Variants in TFEB observed in about 807,000 individuals in gnomAD.
TFEB encodes transcription factor EB.
A neutral mutation model predicts 48.0 loss-of-function variants in TFEB; 12 were observed. The observed-to-expected ratio is 0.25, with a 90% CI of 0.16 to 0.40. TFEB has a LOEUF of 0.40. Among genes scored for constraint, TFEB ranks in the 10% least tolerant of loss-of-function variants. The probability of loss-of-function intolerance (pLI) is 1.00; values close to 1 mark genes in which losing one functional copy is unlikely to be tolerated. For synonymous variants in TFEB, 244 were observed against 261.4 expected (o/e 0.93, Z 0.64); for missense variants, 509 against 640.3 (o/e 0.79, Z 2.21).
In TFEB at chr6:41,724,994, C is replaced by G. The variant is rs144960361; in HGVS notation, c.-23+10356G>C. ...AGGCCCCTTTGCAGGGACGCCTCCCCCAAAATGCCTGCACATTCACCATCT... is the reference window on the plus strand; with the variant it reads ...AGGCCCCTTTGCAGGGACGCCTCCCGCAAAATGCCTGCACATTCACCATCT... On this transcript the variant is annotated intron_variant, in intron 1 of 8. Coordinates refer to ENST00000373033, the MANE Select transcript of TFEB (RefSeq NM_001271944.2). The surrounding 1 kb of genome is among the most constrained non-coding windows in gnomAD (Gnocchi z 4.4). 1.1e-3 allele frequency among the ~76,000 whole-genome samples: 171 copies of G among 152,350 alleles called. No homozygotes were observed. The highest frequency in any genetic ancestry group is 4.0e-3 in the African/African-American group (167 of 41,590).
chr6:41,688,362 G>A (rs1429908124), intron 4 of TFEB, among the ~76,000 whole-genome samples: 3 of 151,982 alleles, frequency 2.0e-5, no homozygotes, highest in Non-Finnish European at 2.9e-5. Flanking sequence ...TTCCTGGAGG[G>A]TGTGGAACTC....
chr6:41,732,687 A>G (rs1447096095), intron 1 of TFEB: 1 of 984,546 alleles, frequency 1.0e-6, no homozygotes, highest in Non-Finnish European at 1.2e-6. Flanking sequence ...TCCTCACAAC[A>G]GCCTGTGAGG....
chr6:41,698,436 A>G (rs901321338), intron 1 of TFEB, among the ~76,000 whole-genome samples: 1 of 152,196 alleles, frequency 6.6e-6, no homozygotes, highest in Non-Finnish European at 1.5e-5. Context: ...GTCCGGGATG[A>G]TGGAACAGTC....
intron 1 of TFEB, among the ~76,000 whole-genome samples, chr6:41,702,574 C>G (rs1165178672): frequency 6.6e-6 from 1 of 152,162 alleles, no homozygotes; most frequent in East Asian, 1.9e-4. Flanking sequence ...TGCTCATGTC[C>G]CCTGCAGGAA....
Position 41,734,407 on chromosome 6 carries a change from C to T in TFEB, c.-23+943G>A, listed in dbSNP as rs970035093. 4.1e-6 allele frequency: 4 copies of T among 984,678 alleles called. No homozygotes were observed. Among genetic ancestry groups the T allele is most frequent in the Middle Eastern group, 5.2e-4 (1 of 1,936 alleles). 61.0% of individuals were successfully genotyped at this position (984,678 alleles called of 1,614,324 possible). Reference sequence around the variant, plus strand: ...GGGGCAGCCGTGCGTGAAGCCGGAACCCCGCGCGGGGAGGGGGCCGAGCTG... The same window carrying T: ...GGGGCAGCCGTGCGTGAAGCCGGAATCCCGCGCGGGGAGGGGGCCGAGCTG... On this transcript the variant is annotated intron_variant, in intron 1 of 8. Transcript: ENST00000373033. The surrounding 1 kb of genome is among the most constrained non-coding windows in gnomAD (Gnocchi z 4.0).
chr6:41,712,677 C>A (rs1046637487), intron 1 of TFEB, among the ~76,000 whole-genome samples: 5 of 152,224 alleles, frequency 3.3e-5, no homozygotes, highest in African/African-American at 1.2e-4. Flanking sequence ...GCTGACGGAG[C>A]CACTGCTGTT....
chr6:41,697,159 G>A (rs1769631667), intron 1 of TFEB, among the ~76,000 whole-genome samples: 2 of 151,898 alleles, frequency 1.3e-5, no homozygotes, highest in Admixed American at 6.6e-5. Flanking sequence ...TGTAATCCCA[G>A]CACTTTGGCA....
chr6:41,697,601 T>G (rs1162282309), intron 1 of TFEB, among the ~76,000 whole-genome samples: 1 of 151,454 alleles, frequency 6.6e-6, no homozygotes, highest in Non-Finnish European at 1.5e-5. Flanking sequence ...ACAACCTCTT[T>G]GGAAAAGCAA....
rs752495595 is a variant in TFEB at position 41,689,771 on chromosome 6, A to G, written c.509T>C (p.Val170Ala). 1 of 1,614,112 alleles carries G rather than the reference A, an allele frequency of 6.2e-7. No individual in the cohort carries two copies. Among genetic ancestry groups the G allele is most frequent in the Non-Finnish European group, 8.5e-7 (1 of 1,180,002 alleles). The change falls in exon 4 of 9, where the codon GTC (valine) becomes GCC (alanine). Residue 170 changes from valine to alanine, a missense_variant. By Grantham distance (64) the Val-to-Ala change is moderately conservative (BLOSUM62 0). Coordinates refer to ENST00000373033, the MANE Select transcript of TFEB (RefSeq NM_001271944.2). Reference sequence around the variant, plus strand: ...CATTTCAGGATTGATGTAGCCAAGGACATCGTCCAGACGCATAATGTTGTC... The same window carrying G: ...CATTTCAGGATTGATGTAGCCAAGGGCATCGTCCAGACGCATAATGTTGTC... The part of the protein sequence containing the change: ...VIDNIMRLDD[V>A]LGYINPEMQM...
intron 1 of TFEB, among the ~76,000 whole-genome samples, chr6:41,719,191 C>A (rs564598437): frequency 6.6e-6 from 1 of 152,112 alleles, no homozygotes; most frequent in Non-Finnish European, 1.5e-5. Flanking sequence ...TGCCTGATGA[C>A]CTGTCACTGT....
chr6:41,734,812 A>G lies in TFEB; in HGVS notation c.-23+538T>C. ...TGGTACTTCCACCCGCCCCCCCATC[A>G]GCCCAGCCCCCGGGGCGTGGCGCCG... is the stretch of plus-strand genomic sequence containing the variant. On this transcript the variant is annotated intron_variant, in intron 1 of 8. Transcript: ENST00000373033. The surrounding 1 kb of genome is among the most constrained non-coding windows in gnomAD (Gnocchi z 4.0). 1 of 628,758 alleles carries G rather than the reference A, an allele frequency of 1.6e-6. No individual in the cohort carries two copies. Among genetic ancestry groups the G allele is most frequent in the Non-Finnish European group, 2.0e-6 (1 of 505,990 alleles). 38.9% of individuals were successfully genotyped at this position (628,758 alleles called of 1,614,324 possible).
At position 41,724,152 on chromosome 6, in the gene TFEB, C is replaced by T. The variant is rs1199537416; in HGVS notation, c.-23+11198G>A. On this transcript the variant is annotated intron_variant, in intron 1 of 8. Transcript: ENST00000373033. This position sits in a 1 kb window ranked among gnomAD's most constrained non-coding sequence, Gnocchi z 4.4. Reference sequence around the variant, plus strand: ...CGCACACTTTTCACTTGTGCAGAAACTGTTCTTGATACACATGCAAGTTCA... The same window carrying T: ...CGCACACTTTTCACTTGTGCAGAAATTGTTCTTGATACACATGCAAGTTCA... Among the ~76,000 whole-genome samples, 1 of 152,218 alleles carries T rather than the reference C, an allele frequency of 6.6e-6. No homozygotes were observed. Among genetic ancestry groups the T allele is most frequent in the Admixed American group, 6.5e-5 (1 of 15,282 alleles).
At chr6:41,689,909 C>A in intron 3 of TFEB, 98 bp from the exon 4 acceptor site, 1 of 848,802 alleles carries the variant, frequency 1.2e-6, no homozygotes. Flanking sequence ...ACCTTGGAGC[C>A]CACCTCACCC....
intron 4 of TFEB, 121 bp from the exon 5 acceptor site, chr6:41,688,149 T>C (rs1238454983): frequency 1.6e-6 from 2 of 1,276,766 alleles, no homozygotes; most frequent in African/African-American, 1.5e-5. Context: ...AAAATTCACC[T>C]TGGGCCCTTT....
Position 41,691,120 on chromosome 6 carries a change from G to T in TFEB, c.94C>A (p.His32Asn). ...RERMQQQAVM[H>N]YMQQQQQQQQ... ...TGCTGCTGCTGCTGCTGCATGTAAT[G>T]CATGACAGCCTGTTGCTGCATGCGC... is the stretch of plus-strand genomic sequence containing the variant. Residue 32 changes from histidine to asparagine, a missense_variant, in exon 2 of 9, where the codon CAT becomes AAT. Coordinates refer to ENST00000373033, the MANE Select transcript of TFEB (RefSeq NM_001271944.2). The surrounding 1 kb of genome is among the most constrained non-coding windows in gnomAD (Gnocchi z 5.2). 6.3e-7 allele frequency: 1 copy of T among 1,585,978 alleles called. No homozygotes were observed. Among genetic ancestry groups the T allele is most frequent in the Non-Finnish European group, 8.6e-7 (1 of 1,164,686 alleles).
rs531971360 is a variant in TFEB at position 41,726,013 on chromosome 6, G to A, written c.-23+9337C>T. ...AATCCTGGCACTTTGGGAGGCCGAG[G>A]TAGGAGAATCGCTTGAGCTGGGGAG... On this transcript the variant is annotated intron_variant, in intron 1 of 8. Transcript: ENST00000373033. Among the ~76,000 whole-genome samples the A allele has an allele frequency of 2.4e-4, 37 of 152,370 alleles. 1 individual carries two copies. The South Asian group carries it at 7.5e-3, about 31-fold the overall frequency.
chr6:41,719,405 C>T (rs1253484307), intron 1 of TFEB, among the ~76,000 whole-genome samples: 1 of 152,240 alleles, frequency 6.6e-6, no homozygotes, highest in Non-Finnish European at 1.5e-5. Flanking sequence ...AAACTGTCTT[C>T]CACGAAACCA....
At chr6:41,735,622 C>T (rs1262213759), upstream of TFEB, 2 of 948,230 alleles carry the variant, frequency 2.1e-6, no homozygotes, top group African/African-American at 1.8e-5. Context: ...CACTTCCCTC[C>T]GCGCCCGGCA....
chr6:41,685,379 T>C (rs993536365), intron 8 of TFEB, among the ~76,000 whole-genome samples: 2 of 152,212 alleles, frequency 1.3e-5, no homozygotes, highest in Non-Finnish European at 1.5e-5. Context: ...TAGAATGCAT[T>C]GCATCTATTA....
Sources: gnomAD v4.1 joint callset for allele counts (sites outside exome capture counted in the v4.1 genomes callset) on GRCh38, gnomAD v4.1.1 for gene constraint, Gnocchi (gnomAD v3.1) non-coding constraint, MANE v1.5 for transcripts, NCBI Gene and HGNC (gene_info 2026-07-23, HGNC 2026-07-21) for gene names.